UST: variants seen among roughly 807,000 people sequenced by gnomAD.
UST encodes the protein uronyl 2-sulfotransferase.
UST carries 21 observed loss-of-function variants against 45.6 expected under a neutral mutation model. The observed-to-expected ratio is 0.46, with a 90% CI of 0.33 to 0.66. The LOEUF is 0.66. Ranked by LOEUF, UST falls within the 30% of genes least tolerant of loss-of-function variation. UST has a pLI of 0.02. For synonymous variants in UST, 215 were observed against 200.6 expected, an observed-to-expected ratio of 1.07 and a Z score of -0.61; for missense variants, 463 against 512.4, an observed-to-expected ratio of 0.90 and a Z score of 0.93.
chr6:148,768,434 G>A (rs1207249743), intron 1 of UST, among the ~76,000 whole-genome samples: 1 of 151,792 alleles, frequency 6.6e-6, no homozygotes, highest in Non-Finnish European at 1.5e-5. Flanking sequence ...TTGTCCTTTT[G>A]TTCTAAAAGT....
intron 1 of UST, among the ~76,000 whole-genome samples, chr6:148,846,974 A>T (rs143317443): frequency 6.6e-6 from 1 of 152,384 alleles, no homozygotes; most frequent in African/African-American, 2.4e-5. Context: ...TGAGTGAGGC[A>T]GGCTGGTGAG....
chr6:148,990,409 A>C, intron 5 of UST: 1 of 985,380 alleles, frequency 1.0e-6, no homozygotes, highest in Non-Finnish European at 1.2e-6. Flanking sequence ...CGAGAAGCCA[A>C]AGGAGATGTT....
At chr6:149,070,213 T>C (rs1211596202) in intron 7 of UST, among the ~76,000 whole-genome samples, 1 of 152,262 alleles carries the variant, frequency 6.6e-6, no homozygotes, top group East Asian at 1.9e-4. Context: ...ATTTTTCCTC[T>C]GCCTCTCAAT....
At chr6:149,024,489 G>C (rs1388402928) in intron 7 of UST, among the ~76,000 whole-genome samples, 1 of 152,172 alleles carries the variant, frequency 6.6e-6, no homozygotes, top group Non-Finnish European at 1.5e-5. Flanking sequence ...GACCAAGCTA[G>C]TCCACAGTTC....
chr6:149,071,807 C>T (rs969214390), intron 7 of UST, among the ~76,000 whole-genome samples: 1 of 151,600 alleles, frequency 6.6e-6, no homozygotes, highest in Non-Finnish European at 1.5e-5. Context: ...CAAAAAAAAA[C>T]CCCACTTCAA....
At chr6:149,003,867 T>C (rs1781598621) in intron 5 of UST, among the ~76,000 whole-genome samples, 4 of 152,234 alleles carry the variant, frequency 2.6e-5, no homozygotes, top group African/African-American at 9.6e-5. Flanking sequence ...AGGGCCAGGC[T>C]GGCGTCCCCA....
intron 5 of UST, among the ~76,000 whole-genome samples, chr6:148,994,482 TCTC>T (rs1329481428): frequency 1.3e-5 from 2 of 152,178 alleles, no homozygotes; most frequent in African/African-American, 4.8e-5. Flanking sequence ...AGCATCATGG[TCTC>T]CTCTGATTGT....
At chr6:149,072,100 G>A (rs1348923139) in intron 7 of UST, among the ~76,000 whole-genome samples, 1 of 152,196 alleles carries the variant, frequency 6.6e-6, no homozygotes, top group African/African-American at 2.4e-5. Flanking sequence ...ATTGCTGGTA[G>A]GAATGTAAAA....
chr6:148,986,650 C>T (rs1292228931), intron 5 of UST, among the ~76,000 whole-genome samples: 2 of 152,258 alleles, frequency 1.3e-5, no homozygotes, highest in Non-Finnish European at 2.9e-5. Flanking sequence ...TCTGATGCTA[C>T]AGCTGACTCT....
chr6:148,853,263 G>A (rs569145427), intron 1 of UST, among the ~76,000 whole-genome samples: 1 of 152,268 alleles, frequency 6.6e-6, no homozygotes, highest in African/African-American at 2.4e-5. Context: ...CTTCATCCAT[G>A]TCCCTGCAAA....
chr6:148,983,619 C>T (rs565158045), intron 5 of UST, among the ~76,000 whole-genome samples: 82 of 152,296 alleles, frequency 5.4e-4, no homozygotes, highest in African/African-American at 1.9e-3. Flanking sequence ...AAAGGCTGAG[C>T]CCTATGGGGT....
chr6:148,906,429 A>C (rs1779361977), intron 2 of UST, among the ~76,000 whole-genome samples: 1 of 152,246 alleles, frequency 6.6e-6, no homozygotes, highest in African/African-American at 2.4e-5. Context: ...AAAAGTGGGC[A>C]AAAGTAACTG....
intron 1 of UST, among the ~76,000 whole-genome samples, chr6:148,834,591 C>T (rs1777752045): frequency 6.6e-6 from 1 of 152,042 alleles, no homozygotes; most frequent in African/African-American, 2.4e-5. Flanking sequence ...AAAAAGTAGC[C>T]AGGCATGGTG....
intron 1 of UST, among the ~76,000 whole-genome samples, chr6:148,880,166 G>A (rs1778798226): frequency 6.6e-6 from 1 of 151,976 alleles, no homozygotes; most frequent in Admixed American, 6.5e-5. Flanking sequence ...TGTTGGCCAG[G>A]CTAGTGTCAA....
intron 1 of UST, among the ~76,000 whole-genome samples, chr6:148,809,060 A>G (rs1290184940): frequency 6.6e-6 from 1 of 152,250 alleles, no homozygotes; most frequent in Non-Finnish European, 1.5e-5. Context: ...GCAACTAATC[A>G]TCACCTTGTA....
chr6:148,975,439 A>G (rs1187206086), intron 5 of UST, among the ~76,000 whole-genome samples: 1 of 152,054 alleles, frequency 6.6e-6, no homozygotes. Context: ...TATTCTGAAC[A>G]CCTGTAATGT....
At chr6:148,911,657 A>G (rs890251431) in intron 2 of UST, among the ~76,000 whole-genome samples, 9 of 152,220 alleles carry the variant, frequency 5.9e-5, no homozygotes, top group African/African-American at 9.6e-5. Context: ...CCAAAAAGTC[A>G]CAAATGAAAA....
At position 148,813,474 on chromosome 6, in the gene UST, C is replaced by T. The variant is rs149363588; in HGVS notation, c.247+65797C>T. Among the ~76,000 whole-genome samples the T allele has an allele frequency of 2.8e-3, 431 of 152,134 alleles. 2 individuals carry two copies. Among genetic ancestry groups the T allele is most frequent in the African/African-American group, 1.0e-2 (413 of 41,504 alleles). Reference sequence around the variant, plus strand: ...TCAGCTCACCGCAACCTCCACCTCCCGGGTTCAAGTGATTCTCCTGCGTCA... The same window carrying T: ...TCAGCTCACCGCAACCTCCACCTCCTGGGTTCAAGTGATTCTCCTGCGTCA... On this transcript the variant is annotated intron_variant, in intron 1 of 7. Coordinates refer to ENST00000367463, the MANE Select transcript of UST (RefSeq NM_005715.3).
At chr6:148,886,675 G>T (rs916538509) in intron 1 of UST, among the ~76,000 whole-genome samples, 2 of 152,154 alleles carry the variant, frequency 1.3e-5, no homozygotes, top group African/African-American at 2.4e-5. Flanking sequence ...TAACATTTGA[G>T]TACCAATGGT....
Sources: gnomAD v4.1 joint callset for allele counts (sites outside exome capture counted in the v4.1 genomes callset) on GRCh38, gnomAD v4.1.1 for gene constraint, MANE v1.5 for transcripts, NCBI Gene and HGNC (gene_info 2026-07-23, HGNC 2026-07-21) for gene names.